The following RPGR variants were observed in gnomAD, a reference collection of about 807,000 sequenced individuals.
The protein encoded by RPGR is X-linked retinitis pigmentosa GTPase regulator.
A neutral mutation model predicts 56.3 loss-of-function variants in RPGR; 10 were observed. The ratio of observed to expected loss-of-function variants is 0.18; its 90% CI spans 0.11 to 0.30. The LOEUF (loss-of-function observed/expected upper bound fraction) is 0.30, where lower values mean the gene tolerates loss of function less well. RPGR is among the 10% of genes least tolerant of loss of function. The pLI is 1.00. For synonymous variants in RPGR, 197 were observed against 212.9 expected (o/e 0.93, Z 0.65); for missense variants, 538 against 590.9 (o/e 0.91, Z 0.93).
At chrX:38,304,218 TAAC>T (rs772138896) in intron 8 of RPGR, among the ~76,000 whole-genome samples, 28 of 111,814 alleles carry the variant, frequency 2.5e-4, no homozygotes, top group Admixed American at 1.9e-4. Context: ...GGCAAAAACA[TAAC>T]AACTGACTCG....
rs41312104 is a variant in RPGR at position 38,288,016 on chromosome X, G to A, written c.1598C>T (p.Thr533Met). The A allele has an allele frequency of 0.023, 28,333 of 1,207,527 alleles. 288 individuals are homozygous for A. Among genetic ancestry groups the A allele is most frequent in the Middle Eastern group, 0.04 (172 of 4,338 alleles). ...GTTTTCAGTAAGAGCTGTATCCTGC[G>A]TCAGTTCCCCAATTGTTTGTTGTTT... Residue 533 changes from threonine (T) to methionine (M), a missense_variant, in exon 14 of 19, where the codon ACG becomes ATG. Physicochemically the swap from Thr to Met is moderately conservative, Grantham distance 81. Around this residue, in one of 2 missense-constraint regions of RPGR, gnomAD observed 357 missense variants for 325.8 expected, o/e 1.10. Transcript: ENST00000642395.
At chrX:38,270,385 C>T (rs1191109894) in intron 18 of RPGR, among the ~76,000 whole-genome samples, 6 of 102,749 alleles carry the variant, frequency 5.8e-5, no homozygotes, top group African/African-American at 1.1e-4. Context: ...GAGGCCGAGG[C>T]GGGCAGATCA....
chrX:38,297,216 A>C, intron 11 of RPGR, 68 bp downstream of exon 11: 2 of 1,066,923 alleles, frequency 1.9e-6, no homozygotes, highest in Non-Finnish European at 2.6e-6. Flanking sequence ...ACATCTTAAG[A>C]TAAACATAAA....
At chrX:38,319,013 T>C (rs1429620528) in intron 4 of RPGR, 26 bp from the exon 5 acceptor site, 2 of 1,204,266 alleles carry the variant, frequency 1.7e-6, no homozygotes, top group African/African-American at 1.7e-5. Flanking sequence ...AAAACGTCAA[T>C]AGACTATAGA....
chrX:38,286,456 TCC>T lies in RPGR; in HGVS notation c.1905+636_1905+637del. On this transcript the variant is annotated intron_variant, in intron 15 of 18. Transcript: ENST00000642395. ...CCCTTCTCCTTCCTCCTCTTCCCCCTCCCCTTCCTCCTCTTCCCCCTCCCCTT... is the reference window on the plus strand; with the variant it reads ...CCCTTCTCCTTCCTCCTCTTCCCCCTCCTTCCTCCTCTTCCCCCTCCCCTT... 1 of 394,943 alleles carries T rather than the reference TCC, an allele frequency of 2.5e-6. No homozygotes were observed. The highest frequency in any genetic ancestry group is 3.1e-6 in the Non-Finnish European group (1 of 322,826). 32.5% of individuals were successfully genotyped at this position (394,943 alleles called of 1,213,427 possible). A position where few individuals can be genotyped will look rare whatever the true frequency, so the allele number is the denominator to read the frequency against.
At chrX:38,308,940 T>A (rs2067654289) in intron 7 of RPGR, among the ~76,000 whole-genome samples, 1 of 112,069 alleles carries the variant, frequency 8.9e-6, no homozygotes, top group Non-Finnish European at 1.9e-5. Context: ...ACATTAGGCA[T>A]ATCATCTTAG....
intron 15 of RPGR, among the ~76,000 whole-genome samples, chrX:38,279,395 C>CA (rs2066990091): frequency 9.0e-6 from 1 of 111,722 alleles, no homozygotes; most frequent in South Asian, 3.7e-4. Context: ...AGGCATGGCA[C>CA]AGTCAGGTGC....
intron 11 of RPGR, among the ~76,000 whole-genome samples, chrX:38,292,453 T>C (rs760789255): frequency 8.9e-6 from 1 of 111,770 alleles, no homozygotes; most frequent in Non-Finnish European, 1.9e-5. Context: ...CCCTCATTGA[T>C]CACCAATACA....
intron 8 of RPGR, chrX:38,302,772 T>C (rs940777486): frequency 9.1e-6 from 1 of 109,525 alleles, no homozygotes; most frequent in African/African-American, 3.3e-5. Flanking sequence ...TGTAAGTAAG[T>C]GCTATTCAGT....
intron 9 of RPGR, among the ~76,000 whole-genome samples, chrX:38,300,680 G>A (rs1352115002): frequency 9.0e-5 from 10 of 111,206 alleles, no homozygotes; most frequent in African/African-American, 2.6e-4. Context: ...GATTACAGGC[G>A]TGTGCCATCA....
intron 7 of RPGR, among the ~76,000 whole-genome samples, chrX:38,307,660 C>T (rs2067629086): frequency 9.0e-6 from 1 of 111,664 alleles, no homozygotes; most frequent in South Asian, 3.7e-4. Flanking sequence ...ATATACTCTT[C>T]AGGTCCATTT....
intron 1 of RPGR, among the ~76,000 whole-genome samples, chrX:38,324,641 C>T (rs1031277352): frequency 3.1e-4 from 34 of 108,522 alleles, no homozygotes; most frequent in African/African-American, 1.1e-3. Flanking sequence ...AAAGTGTTAG[C>T]TCAATAGCTA....
At chrX:38,323,657 C>A in intron 1 of RPGR, 133 bp from the exon 2 acceptor site, 1 of 647,101 alleles carries the variant, frequency 1.5e-6, no homozygotes, top group Non-Finnish European at 2.4e-6. Context: ...AATGTTTAAG[C>A]CTTCCTTCTT....
intron 8 of RPGR, among the ~76,000 whole-genome samples, chrX:38,301,718 T>G (rs1005531614): frequency 9.0e-6 from 1 of 111,444 alleles, no homozygotes; most frequent in Non-Finnish European, 1.9e-5. Context: ...TTCTGACCCC[T>G]ACATCCCAAC....
chrX:38,274,208 T>C (rs2066889921), intron 17 of RPGR, among the ~76,000 whole-genome samples: 1 of 112,171 alleles, frequency 8.9e-6, no homozygotes, highest in African/African-American at 3.2e-5. Context: ...AGATGATTTG[T>C]GTCTAGATTA....
intron 1 of RPGR, among the ~76,000 whole-genome samples, chrX:38,326,396 C>T (rs899703173): frequency 1.8e-5 from 2 of 111,428 alleles, no homozygotes; most frequent in African/African-American, 6.5e-5. Context: ...TATTAGTGGG[C>T]CAGAAAATCA....
chrX:38,298,000 G>C (rs889134627), intron 10 of RPGR, among the ~76,000 whole-genome samples: 1 of 111,917 alleles, frequency 8.9e-6, no homozygotes, highest in Non-Finnish European at 1.9e-5. Context: ...GGGCTTGGTG[G>C]CTCATGCCTG....
rs1005918428 is a variant in RPGR at position 38,318,982 on chromosome X, C to A, written c.316G>T (p.Gly106Cys). 1 of 1,211,774 alleles carries A rather than the reference C, an allele frequency of 8.3e-7. No homozygotes were observed. Among genetic ancestry groups the A allele is most frequent in the African/African-American group, 1.7e-5 (1 of 57,899 alleles). The change falls in exon 5 of 19, where the codon GGC (glycine) becomes TGC (cysteine). Residue 106 changes from glycine to cysteine, a missense_variant. Gly to Cys is a radical substitution (Grantham distance 159, BLOSUM62 -3). Coordinates refer to ENST00000642395, the MANE Select transcript of RPGR (RefSeq NM_000328.3). ...TTTCCACCAGTTGCATATACATTGCCTCCTTCTGCACATGGAAAAGAAAAC... is the reference window on the plus strand; with the variant it reads ...TTTCCACCAGTTGCATATACATTGCATCCTTCTGCACATGGAAAAGAAAAC...
Position 38,310,793 on chromosome X carries a change from G to A in RPGR, c.620-20C>T, listed in dbSNP as rs1340701686. ...CATCTGCTATTGAAGGAAAAGTATA[G>A]TGATTAGTGATGACATACATATGAA... On this transcript the variant is annotated intron_variant, in intron 6 of 18. Transcript: ENST00000642395. The A allele has an allele frequency of 1.7e-6, 2 of 1,201,833 alleles. No homozygotes were observed.
Sources: allele counts gnomAD v4.1 joint callset (sites outside exome capture counted in the v4.1 genomes callset), GRCh38; gene constraint gnomAD v4.1.1; regional missense constraint gnomAD v4.1.1; transcripts MANE v1.5; gene names NCBI Gene and HGNC (gene_info 2026-07-23, HGNC 2026-07-21).